Variants in FMO2 observed in about 807,000 individuals in gnomAD.
FMO2 encodes flavin-containing monooxygenase 2.
Under a neutral mutation model 41.6 loss-of-function variants are expected in FMO2, and 33 were observed. That is an observed-to-expected ratio of 0.79 (90% CI 0.60 to 1.06). The LOEUF is 1.06. Among genes scored for constraint, FMO2 ranks in the 50% least tolerant of loss-of-function variants. FMO2 has a pLI of 0.00. For synonymous variants in FMO2, 214 were observed against 219.6 expected, an observed-to-expected ratio of 0.97 and a Z score of 0.23; for missense variants, 619 against 632.9, an observed-to-expected ratio of 0.98 and a Z score of 0.23.
In FMO2 at chr1:171,208,794, GT is replaced by G; in HGVS notation, c.1260del (p.Phe420LeufsTer22). 1 of 1,613,530 alleles carries G rather than the reference GT, an allele frequency of 6.2e-7. No homozygotes were observed. Among genetic ancestry groups the G allele is most frequent in the Non-Finnish European group, 8.5e-7 (1 of 1,179,682 alleles). ...IKRNEKRIDL[F>X]GESQSQTLQT... is the part of the protein sequence containing the mutation. The stretch of plus-strand genomic sequence containing the variant: ...TTCCCTTTTTACTTTCTTCACTAAG[GT>G]TTGGAGAAAGCCAGAGCCAGACGTT... On this transcript the variant is annotated frameshift_variant and splice_region_variant, in exon 9 of 9. Transcript: ENST00000209929. LOFTEE classifies it low-confidence loss of function (END_TRUNC).
intron 6 of FMO2, 92 bp downstream of exon 6, chr1:171,204,156 C>G: frequency 1.1e-6 from 1 of 885,480 alleles, no homozygotes; most frequent in Non-Finnish European, 1.8e-6. Flanking sequence ...ATTGCTAACA[C>G]GGTAGTTAAA....
intron 2 of FMO2, among the ~76,000 whole-genome samples, chr1:171,192,099 C>T (rs548051920): frequency 6.6e-6 from 1 of 152,020 alleles, no homozygotes; most frequent in South Asian, 2.1e-4. Flanking sequence ...AAATATTTTC[C>T]ATTTTGAGAA....
intron 7 of FMO2, 149 bp from the exon 8 acceptor site, chr1:171,207,569 G>C (rs1174226759): frequency 1.6e-6 from 1 of 639,038 alleles, no homozygotes; most frequent in African/African-American, 1.8e-5. Context: ...AGTGCTATGG[G>C]GGTGGCACCC....
chr1:171,206,415 G>A (rs1658759379), intron 7 of FMO2, among the ~76,000 whole-genome samples: 1 of 152,172 alleles, frequency 6.6e-6, no homozygotes, highest in Non-Finnish European at 1.5e-5. Context: ...ATATGGAAGG[G>A]CACATGCTAT....
Position 171,203,885 on chromosome 1 carries a change from T to C in FMO2, c.648T>C (p.His216=), listed in dbSNP as rs1414227434. The change falls in exon 6 of 9, where the codon CAT becomes CAC. Residue 216 remains histidine, a synonymous_variant. Coordinates refer to ENST00000209929, the MANE Select transcript of FMO2 (RefSeq NM_001460.5). ...GCCAGGTTTTTATCAGCACCAGGCA[T>C]GGCACCTGGGTCATGAGCCGTATCT... ...NAAQVFISTR[H]GTWVMSRISE... 1.2e-6 allele frequency: 2 copies of C among 1,613,502 alleles called. No individual in the cohort carries two copies. Among genetic ancestry groups the C allele is most frequent in the Non-Finnish European group, 1.7e-6 (2 of 1,179,596 alleles).
At chr1:171,191,639 C>T (rs1451549922) in intron 2 of FMO2, among the ~76,000 whole-genome samples, 1 of 152,006 alleles carries the variant, frequency 6.6e-6, no homozygotes, top group Non-Finnish European at 1.5e-5. Context: ...TGCTCATGGT[C>T]ACAAGCCATT....
Position 171,211,060 on chromosome 1 carries a change from G to C in FMO2, c.*1915G>C, listed in dbSNP as rs1231352717. 1 of 151,690 alleles carries C rather than the reference G, an allele frequency of 6.6e-6. No individual in the cohort carries two copies. Among genetic ancestry groups the C allele is most frequent in the African/African-American group, 2.4e-5 (1 of 41,264 alleles). 9.4% of individuals were successfully genotyped at this position (151,690 alleles called of 1,614,324 possible). A position where few individuals can be genotyped will look rare whatever the true frequency, so the allele number is the denominator to read the frequency against. On this transcript the variant is annotated 3_prime_UTR_variant, in exon 9 of 9. Transcript: ENST00000209929. ...TAAATGAGGTATATACTTAGTTCTT[G>C]GTTAAAAAATATATTGCTTTGTTAA...
chr1:171,208,773 C>T lies in FMO2; in HGVS notation c.1257-21C>T, dbSNP rs750770722. 2.5e-6 allele frequency: 4 copies of T among 1,611,268 alleles called. No homozygotes were observed. In the East Asian group the frequency reaches 8.9e-5, roughly 36 times the overall value. On this transcript the variant is annotated intron_variant, in intron 8 of 8. Coordinates refer to ENST00000209929, the MANE Select transcript of FMO2 (RefSeq NM_001460.5). ...ACTTAGAACATTCTGTGAACATTCC[C>T]TTTTTACTTTCTTCACTAAGGTTTG...
chr1:171,211,379 A>G lies in FMO2; in HGVS notation c.*2234A>G, dbSNP rs1385953999. 1 of 152,222 alleles carries G rather than the reference A, an allele frequency of 6.6e-6. No individual in the cohort carries two copies. The highest frequency in any genetic ancestry group is 2.4e-5 in the African/African-American group (1 of 41,470). The allele number at this position is 152,222 out of a possible 1,614,324, so 9.4% of individuals were successfully genotyped here. A position where few individuals can be genotyped will look rare whatever the true frequency, so the allele number is the denominator to read the frequency against. ...GAAAAAGTTTGATAATTCCTGCTTT[A>G]TAATATGTAAGGCATTGTCCCATTT... On this transcript the variant is annotated 3_prime_UTR_variant, in exon 9 of 9. Transcript: ENST00000209929.
At chr1:171,204,753 A>G (rs1658683646) in intron 6 of FMO2, among the ~76,000 whole-genome samples, 1 of 152,216 alleles carries the variant, frequency 6.6e-6, no homozygotes, top group Non-Finnish European at 1.5e-5. Flanking sequence ...ATCAACATCC[A>G]TGCTATTACT....
Position 171,188,618 on chromosome 1 carries a change from G to A in FMO2, c.132+2773G>A, listed in dbSNP as rs569028569. On this transcript the variant is annotated intron_variant, in intron 2 of 8. Coordinates refer to ENST00000209929, the MANE Select transcript of FMO2 (RefSeq NM_001460.5). Reference sequence around the variant, plus strand: ...CAGGTGACTGGGAGTTTCCAAGAAGGATGCTGGGAGCCCCATGCTCTTCCC... The same window carrying A: ...CAGGTGACTGGGAGTTTCCAAGAAGAATGCTGGGAGCCCCATGCTCTTCCC... Among the ~76,000 whole-genome samples the A allele has an allele frequency of 2.0e-3, 305 of 152,250 alleles. 1 individual carries two copies. The highest frequency in any genetic ancestry group is 3.5e-3 in the Non-Finnish European group (239 of 68,000).
At chr1:171,198,882 G>C (rs1658408435) in intron 4 of FMO2, among the ~76,000 whole-genome samples, 1 of 151,572 alleles carries the variant, frequency 6.6e-6, no homozygotes, top group Admixed American at 6.6e-5. Context: ...CAACCCCTTT[G>C]GTCCTGTTTT....
chr1:171,197,653 T>A (rs952673564), intron 4 of FMO2, among the ~76,000 whole-genome samples: 1 of 152,128 alleles, frequency 6.6e-6, no homozygotes, highest in African/African-American at 2.4e-5. Context: ...TATGAAGAGG[T>A]GGGGCCTTTA....
chr1:171,195,224 GCTCAA>G (rs1658255214), intron 3 of FMO2, among the ~76,000 whole-genome samples: 1 of 152,184 alleles, frequency 6.6e-6, no homozygotes, highest in African/African-American at 2.4e-5. Context: ...AGGTGTTAGA[GCTCAA>G]CTCGAGAAGC....
Position 171,209,117 on chromosome 1 carries a change from C to G in FMO2, c.1580C>G (p.Ala527Gly). ...KILGLLAVVV[A>G]FFCQLQWS Reference sequence around the variant, plus strand: ...CTGGGCCTTCTTGCTGTTGTTGTGGCCTTTTTTTGCCAACTTCAATGGTCC... The same window carrying G: ...CTGGGCCTTCTTGCTGTTGTTGTGGGCTTTTTTTGCCAACTTCAATGGTCC... Residue 527 changes from alanine (A) to glycine (G), a missense_variant, in exon 9 of 9, where the codon GCC becomes GGC. Coordinates refer to ENST00000209929, the MANE Select transcript of FMO2 (RefSeq NM_001460.5). 1 of 696,686 alleles carries G rather than the reference C, an allele frequency of 1.4e-6. No homozygotes were observed. Among genetic ancestry groups the G allele is most frequent in the Non-Finnish European group, 2.3e-6 (1 of 425,606 alleles). 43.2% of individuals were successfully genotyped at this position (696,686 alleles called of 1,614,324 possible).
At chr1:171,205,109 T>G (rs1477834344) in intron 6 of FMO2, among the ~76,000 whole-genome samples, 170 bp from the exon 7 acceptor site, 2 of 152,208 alleles carry the variant, frequency 1.3e-5, no homozygotes, top group Admixed American at 6.5e-5. Flanking sequence ...ATTTGTGACA[T>G]GAGAATTAAG....
chr1:171,204,846 T>C (rs759617832), intron 6 of FMO2, among the ~76,000 whole-genome samples: 10 of 152,192 alleles, frequency 6.6e-5, no homozygotes, highest in Non-Finnish European at 1.3e-4. Flanking sequence ...GATCCCTTCA[T>C]AGATTTCAAA....
chr1:171,185,819 G>A lies in FMO2; in HGVS notation c.106G>A (p.Asp36Asn), dbSNP rs1431741702. The change falls in exon 2 of 9, where the codon GAT (aspartate) becomes AAT (asparagine). Residue 36 changes from aspartate (D) to asparagine (N), a missense_variant. Physicochemically the swap from Asp to Asn is conservative, Grantham distance 23 (BLOSUM62 1). Coordinates refer to ENST00000209929, the MANE Select transcript of FMO2 (RefSeq NM_001460.5). ...LEPTCFERTEDIGGVWRFKEN... is the reference protein window; with the variant it reads ...LEPTCFERTENIGGVWRFKEN... Reference sequence around the variant, plus strand: ...GCCCACTTGCTTTGAGAGAACTGAAGATATTGGAGGAGTGTGGAGGTTCAA... The same window carrying A: ...GCCCACTTGCTTTGAGAGAACTGAAAATATTGGAGGAGTGTGGAGGTTCAA... The A allele has an allele frequency of 6.2e-7, 1 of 1,613,906 alleles. No homozygotes were observed. The highest frequency in any genetic ancestry group is 1.7e-5 in the Admixed American group (1 of 60,016).
At chr1:171,193,551 C>A (rs757030907) in intron 3 of FMO2, 28 bp downstream of exon 3, 21 of 1,415,452 alleles carry the variant, frequency 1.5e-5, no homozygotes, top group Non-Finnish European at 2.1e-5. Flanking sequence ...AAATGGGTTT[C>A]TCTGCATTAG....
Sources: gnomAD v4.1 joint callset for allele counts (sites outside exome capture counted in the v4.1 genomes callset) on GRCh38, gnomAD v4.1.1 for gene constraint, MANE v1.5 for transcripts, NCBI Gene and HGNC (gene_info 2026-07-23, HGNC 2026-07-21) for gene names.